AKIRIN2: variants seen among roughly 807,000 people sequenced by gnomAD.
AKIRIN2 encodes akirin-2.
In AKIRIN2, 6 loss-of-function variants were observed where a neutral mutation model predicts 29.3. The observed-to-expected ratio is 0.20, with a 90% CI of 0.11 to 0.40. The LOEUF (loss-of-function observed/expected upper bound fraction) is 0.40. AKIRIN2 is among the 10% of genes least tolerant of loss of function. The pLI, the probability that AKIRIN2 is intolerant of heterozygous loss-of-function variation, is 1.00. For synonymous variants in AKIRIN2, 128 were observed against 117.5 expected (o/e 1.09, Z -0.58); for missense variants, 210 against 276.1 (o/e 0.76, Z 1.70).
In AKIRIN2 at chr6:87,687,455, A is replaced by AAAAAAC. The variant is rs752871351; in HGVS notation, c.236-5693_236-5692insGTTTTT. On this transcript the variant is annotated intron_variant, in intron 1 of 4. Transcript: ENST00000257787. ...ATTCCGTTTCAAAAAAAAAAAAAAA[A>AAAAAAC]ACACACTACTTGGAGTTGCTATGGA... Among the ~76,000 whole-genome samples the AAAAAAC allele has an allele frequency of 1.2e-3, 182 of 151,176 alleles. 1 individual carries two copies. Among genetic ancestry groups the AAAAAAC allele is most frequent in the Non-Finnish European group, 1.9e-3 (130 of 67,820 alleles).
intron 1 of AKIRIN2, among the ~76,000 whole-genome samples, chr6:87,700,254 T>C (rs1393138123): frequency 2.8e-5 from 3 of 108,390 alleles, no homozygotes; most frequent in Non-Finnish European, 5.8e-5. Flanking sequence ...TTAGAAAATA[T>C]TTTTAAATGT....
intron 1 of AKIRIN2, among the ~76,000 whole-genome samples, chr6:87,690,206 CA>C (rs36001292): frequency 4.3e-4 from 49 of 115,152 alleles, no homozygotes; most frequent in African/African-American, 5.0e-4. Context: ...AACTCCATCT[CA>C]AAAAAAAAAA....
chr6:87,696,927 A>T (rs1055132013), intron 1 of AKIRIN2, among the ~76,000 whole-genome samples: 1 of 151,772 alleles, frequency 6.6e-6, no homozygotes, highest in Non-Finnish European at 1.5e-5. Context: ...AATCTCTTGA[A>T]ACTAGGAGGT....
In AKIRIN2 at chr6:87,701,559, C is replaced by G. The variant is rs748213110; in HGVS notation, c.126G>C (p.Ser42=). 1.7e-5 allele frequency: 24 copies of G among 1,411,352 alleles called. No homozygotes were observed. Among genetic ancestry groups the G allele is most frequent in the East Asian group, 9.0e-5 (3 of 33,462 alleles). 87.4% of individuals were successfully genotyped at this position (1,411,352 alleles called of 1,614,324 possible). A position where few individuals can be genotyped will look rare whatever the true frequency, so the allele number is the denominator to read the frequency against. The part of the protein sequence containing the change: ...APTSAAASPL[S]AAAATAASFS... ...AGGAGGCGGCGGTGGCCGCGGCCGC[C>G]GACAACGGGGAGGCAGCGGCCGAGG... Residue 42 remains serine, a synonymous_variant, in exon 1 of 5, where the codon TCG becomes TCC. Transcript: ENST00000257787.
intron 2 of AKIRIN2, among the ~76,000 whole-genome samples, chr6:87,678,272 C>T (rs1771058788): frequency 1.3e-5 from 2 of 152,036 alleles, no homozygotes; most frequent in South Asian, 2.1e-4. Context: ...CCGAGGTGGG[C>T]GGATCACCTG....
At chr6:87,699,671 T>G (rs1771426355) in intron 1 of AKIRIN2, among the ~76,000 whole-genome samples, 1 of 152,214 alleles carries the variant, frequency 6.6e-6, no homozygotes, top group African/African-American at 2.4e-5. Flanking sequence ...TGAGATAATG[T>G]GGAGCCAACT....
In AKIRIN2 at chr6:87,675,747, C is replaced by T. The variant is rs1770960979; in HGVS notation, c.601+113G>A. ...AGTTATGCTGCCTATTTCCTCCATA[C>T]ATTCTCAGTAATTTTGTTGAATTCT... On this transcript the variant is annotated intron_variant, in intron 4 of 4. Transcript: ENST00000257787. The T allele has an allele frequency of 5.5e-6, 8 of 1,448,236 alleles. No homozygotes were observed. The South Asian group carries it at 8.4e-5, about 15-fold the overall frequency. 89.7% of individuals were successfully genotyped at this position (1,448,236 alleles called of 1,614,324 possible).
At position 87,681,623 on chromosome 6, in the gene AKIRIN2, G is replaced by A. The variant is rs2128301284; in HGVS notation, c.376C>T (p.Pro126Ser). 1 of 1,604,432 alleles carries A rather than the reference G, an allele frequency of 6.2e-7. No individual in the cohort carries two copies. Among genetic ancestry groups the A allele is most frequent in the Non-Finnish European group, 8.5e-7 (1 of 1,177,648 alleles). ...HAFLLSGPAS[P>S]GTSSAASSPL... ...AAATGACAAGAAATGTTATTACCTG[G>A]TGAAGCTGGTCCACTGAGGAGAAAT... Residue 126 changes from proline to serine, a missense_variant, in exon 2 of 5, where the codon CCA becomes TCA. Physicochemically the swap from Pro to Ser is moderately conservative, Grantham distance 74. Transcript: ENST00000257787.
Position 87,701,610 on chromosome 6 carries a change from C to T in AKIRIN2, c.75G>A (p.Arg25=), listed in dbSNP as rs1245285050. The T allele has an allele frequency of 1.4e-6, 2 of 1,448,346 alleles. No homozygotes were observed. The highest frequency in any genetic ancestry group is 2.9e-5 in the Admixed American group (1 of 34,964). 89.7% of individuals were successfully genotyped at this position (1,448,346 alleles called of 1,614,324 possible). A position where few individuals can be genotyped will look rare whatever the true frequency, so the allele number is the denominator to read the frequency against. ...TGGGCGCCGACAATGGCGCACATCGCCTGCGCTTCGGGGACGCCGGGCTCA... is the reference window on the plus strand; with the variant it reads ...TGGGCGCCGACAATGGCGCACATCGTCTGCGCTTCGGGGACGCCGGGCTCA... ...PLLSPASPKR[R]RCAPLSAPTS... is the part of the protein sequence containing the mutation. The change falls in exon 1 of 5, where the codon AGG becomes AGA. Residue 25 remains arginine (R), a synonymous_variant. Coordinates refer to ENST00000257787, the MANE Select transcript of AKIRIN2 (RefSeq NM_018064.4).
chr6:87,677,939 T>G lies in AKIRIN2; in HGVS notation c.408A>C (p.Leu136Phe). Residue 136 changes from leucine to phenylalanine, a missense_variant, in exon 3 of 5, where the codon TTA becomes TTC. Physicochemically the swap from Leu to Phe is conservative, Grantham distance 22. Transcript: ENST00000257787. ...GAGTAAATAAGGGCTGTTCTTTTTTTAATGGTGAGGATGCTGCAGATGAAG... is the reference window on the plus strand; with the variant it reads ...GAGTAAATAAGGGCTGTTCTTTTTTGAATGGTGAGGATGCTGCAGATGAAG... The part of the protein sequence containing the change: ...PGTSSAASSP[L>F]KKEQPLFTLR... 1 of 1,614,050 alleles carries G rather than the reference T, an allele frequency of 6.2e-7. No individual in the cohort carries two copies. Among genetic ancestry groups the G allele is most frequent in the South Asian group, 1.1e-5 (1 of 91,074 alleles).
intron 1 of AKIRIN2, among the ~76,000 whole-genome samples, chr6:87,694,512 AG>A (rs982598608): frequency 6.6e-6 from 1 of 152,212 alleles, no homozygotes; most frequent in Non-Finnish European, 1.5e-5. Context: ...GAGGTTCATA[AG>A]GGTTCGAACA....
intron 1 of AKIRIN2, among the ~76,000 whole-genome samples, chr6:87,697,680 G>T (rs115227338): frequency 2.0e-5 from 3 of 152,292 alleles, no homozygotes; most frequent in African/African-American, 7.2e-5. Context: ...TCCGTTTGCA[G>T]GCATGCATCA....
intron 1 of AKIRIN2, among the ~76,000 whole-genome samples, chr6:87,698,608 G>C (rs1001237329): frequency 6.6e-6 from 1 of 152,134 alleles, no homozygotes; most frequent in Non-Finnish European, 1.5e-5. Flanking sequence ...GTAACACTTA[G>C]GTGTCCTAAA....
chr6:87,699,561 T>C (rs565133333), intron 1 of AKIRIN2, among the ~76,000 whole-genome samples: 4 of 151,492 alleles, frequency 2.6e-5, no homozygotes, highest in East Asian at 1.9e-4. Flanking sequence ...TTGAAGAAAA[T>C]AGCAGTATTT....
chr6:87,693,405 A>G (rs1269538468), intron 1 of AKIRIN2, among the ~76,000 whole-genome samples: 2 of 151,868 alleles, frequency 1.3e-5, no homozygotes, highest in Admixed American at 1.3e-4. Context: ...AGGTATTTAT[A>G]TCTAGCCAGA....
At chr6:87,693,525 C>A (rs1296384350) in intron 1 of AKIRIN2, among the ~76,000 whole-genome samples, 1 of 152,046 alleles carries the variant, frequency 6.6e-6, no homozygotes, top group African/African-American at 2.4e-5. Flanking sequence ...GTCAGGAGTT[C>A]AAGATCAGCC....
At chr6:87,688,451 TA>T (rs543094770) in intron 1 of AKIRIN2, among the ~76,000 whole-genome samples, 52 of 135,594 alleles carry the variant, frequency 3.8e-4, no homozygotes, top group Middle Eastern at 3.8e-3. Context: ...TTTAAAAAAA[TA>T]AAAAAAAAAA....
In AKIRIN2 at chr6:87,701,631, G is replaced by C. The variant is rs1379060424; in HGVS notation, c.54C>G (p.Ser18Arg). ...KRTLDFDPLL[S>R]PASPKRRRCA... ...ATCGCCTGCGCTTCGGGGACGCCGGGCTCAACAGCGGGTCGAAATCCAGAG... is the reference window on the plus strand; with the variant it reads ...ATCGCCTGCGCTTCGGGGACGCCGGCCTCAACAGCGGGTCGAAATCCAGAG... Residue 18 changes from serine to arginine, a missense_variant, in exon 1 of 5, where the codon AGC (serine) becomes AGG (arginine). Ser to Arg is a moderately radical substitution (Grantham distance 110, BLOSUM62 -1). Transcript: ENST00000257787. 1 of 1,463,302 alleles carries C rather than the reference G, an allele frequency of 6.8e-7. No individual in the cohort carries two copies. Among genetic ancestry groups the C allele is most frequent in the Admixed American group, 2.7e-5 (1 of 37,286 alleles). The allele number at this position is 1,463,302 out of a possible 1,614,324, so 90.6% of individuals were successfully genotyped here.
chr6:87,677,979 G>C lies in AKIRIN2; in HGVS notation c.380-12C>G, dbSNP rs376564229. 2.3e-5 allele frequency: 37 copies of C among 1,604,316 alleles called. No individual in the cohort carries two copies. In the African/African-American group the frequency reaches 3.2e-4, roughly 14 times the overall value. Reference sequence around the variant, plus strand: ...TGCAGATGAAGTCCCTATGTACAATGAGGACAAAAAATAGCACCTGGTTTA... The same window carrying C: ...TGCAGATGAAGTCCCTATGTACAATCAGGACAAAAAATAGCACCTGGTTTA... On this transcript the variant is annotated splice_polypyrimidine_tract_variant and intron_variant, in intron 2 of 4. Transcript: ENST00000257787.
Sources: allele counts gnomAD v4.1 joint callset (sites outside exome capture counted in the v4.1 genomes callset), GRCh38; gene constraint gnomAD v4.1.1; transcripts MANE v1.5; gene names NCBI Gene and HGNC (gene_info 2026-07-23, HGNC 2026-07-21).